NBDY: variants seen among roughly 807,000 people sequenced by gnomAD.
NBDY encodes the protein negative regulator of P-body association.
rs183987294 is a variant in NBDY, at chrX:56,740,881, T to C, written c.*166+8682T>C. On this transcript the variant is annotated intron_variant, in intron 2 of 2. Coordinates refer to ENST00000374922, the MANE Select transcript of NBDY (RefSeq NM_001348129.2). Reference sequence around the variant, plus strand: ...CTTTGTGTTACAGACAATTTAATTATACAGTTATATTATTATTGACTATAG... The same window carrying C: ...CTTTGTGTTACAGACAATTTAATTACACAGTTATATTATTATTGACTATAG... 1.3e-3 allele frequency among the ~76,000 whole-genome samples: 148 copies of C among 110,919 alleles called. 1 individual carries two copies. The highest frequency in any genetic ancestry group is 4.7e-3 in the African/African-American group (143 of 30,618).
chrX:56,782,112 T>A (rs749342713), intron 2 of NBDY, among the ~76,000 whole-genome samples: 89 of 111,496 alleles, frequency 8.0e-4, no homozygotes, highest in African/African-American at 2.6e-3. Context: ...GACCTGGGGC[T>A]CCTTGTCACT....
At chrX:56,788,760 T>C (rs1178218892) in intron 2 of NBDY, among the ~76,000 whole-genome samples, 2 of 112,741 alleles carry the variant, frequency 1.8e-5, no homozygotes, top group Non-Finnish European at 3.8e-5. Flanking sequence ...GCTTCCCTTA[T>C]GCGTATCTCA....
intron 2 of NBDY, among the ~76,000 whole-genome samples, chrX:56,789,142 A>G (rs1230052554): frequency 8.8e-6 from 1 of 113,099 alleles, no homozygotes; most frequent in Non-Finnish European, 1.9e-5. Context: ...AAAAACAAAA[A>G]GCAAAGAAAC....
chrX:56,782,897 C>T (rs2069702741), intron 2 of NBDY, among the ~76,000 whole-genome samples: 1 of 112,348 alleles, frequency 8.9e-6, no homozygotes, highest in African/African-American at 3.2e-5. Context: ...ATCACAAACA[C>T]ACACGCACAT....
rs549657961 is a variant in NBDY, at chrX:56,781,417, C to G, written c.*167-35903C>G. Among the ~76,000 whole-genome samples, 24 of 111,672 alleles carry G rather than the reference C, an allele frequency of 2.1e-4. No homozygotes were observed. The South Asian group carries it at 9.1e-3, about 42-fold the overall frequency. On this transcript the variant is annotated intron_variant, in intron 2 of 2. Transcript: ENST00000374922. Reference sequence around the variant, plus strand: ...GCAGGGAACAGGGCAGTCTCCTGGCCCAACAGATCTTTGTGCAGACGCGGT... The same window carrying G: ...GCAGGGAACAGGGCAGTCTCCTGGCGCAACAGATCTTTGTGCAGACGCGGT...
chrX:56,780,899 C>A (rs1396237670), intron 2 of NBDY, among the ~76,000 whole-genome samples: 1 of 98,472 alleles, frequency 1.0e-5, no homozygotes, highest in Non-Finnish European at 2.0e-5. Flanking sequence ...ATCTGGACTG[C>A]GTCTTTAGGG....
Position 56,757,329 on chromosome X carries a change from C to T in NBDY, c.*166+25130C>T, listed in dbSNP as rs139602488. Among the ~76,000 whole-genome samples, 785 of 111,746 alleles carry T rather than the reference C, an allele frequency of 7.0e-3. 30 individuals carry two copies. Among genetic ancestry groups the T allele is most frequent in the Admixed American group, 0.069 (725 of 10,508 alleles). The stretch of plus-strand genomic sequence containing the variant: ...TTAATTGGAATAATTTTAAAATGCA[C>T]GTTGATTAAATAAGAAGGCAGCATT... On this transcript the variant is annotated intron_variant, in intron 2 of 2. Coordinates refer to ENST00000374922, the MANE Select transcript of NBDY (RefSeq NM_001348129.2).
At chrX:56,795,090 T>G (rs1425173836) in intron 2 of NBDY, among the ~76,000 whole-genome samples, 4 of 112,449 alleles carry the variant, frequency 3.6e-5, no homozygotes, top group African/African-American at 1.3e-4. Context: ...ACGTGGTGGT[T>G]CACCAGTTAG....
chrX:56,809,599 A>G (rs973998312), intron 2 of NBDY, among the ~76,000 whole-genome samples: 4 of 111,072 alleles, frequency 3.6e-5, no homozygotes, highest in Non-Finnish European at 1.9e-5. Context: ...TTGGCTTTCC[A>G]TTTGCTTGGT....
At chrX:56,733,578 G>A (rs1035208760) in intron 2 of NBDY, among the ~76,000 whole-genome samples, 2 of 111,442 alleles carry the variant, frequency 1.8e-5, no homozygotes, top group African/African-American at 6.5e-5. Context: ...GAGCTGGTGG[G>A]GTGCAGAATG....
chrX:56,814,268 T>G (rs1444617563), intron 2 of NBDY, among the ~76,000 whole-genome samples: 1 of 110,433 alleles, frequency 9.1e-6, no homozygotes. Context: ...GGTTATTGAA[T>G]GGCTTTATTG....
intron 2 of NBDY, among the ~76,000 whole-genome samples, chrX:56,782,097 G>A (rs2069695242): frequency 9.0e-6 from 1 of 111,225 alleles, no homozygotes; most frequent in East Asian, 2.8e-4. Context: ...CTTTAAACGG[G>A]AGGTGACCTG....
intron 2 of NBDY, among the ~76,000 whole-genome samples, chrX:56,760,320 C>A (rs1480940809): frequency 8.8e-6 from 1 of 113,030 alleles, no homozygotes; most frequent in African/African-American, 3.2e-5. Flanking sequence ...ATGGCAGTCA[C>A]CCCTTTTCTT....
Position 56,729,587 on chromosome X carries a change from C to G in NBDY, c.*27C>G, listed in dbSNP as rs746022485. The G allele has an allele frequency of 1.1e-4, 34 of 295,981 alleles. No individual in the cohort carries two copies. The highest frequency in any genetic ancestry group is 1.5e-4 in the Non-Finnish European group (25 of 169,946). The allele number at this position is 295,981 out of a possible 1,213,427, so 24.4% of individuals were successfully genotyped here. A position where few individuals can be genotyped will look rare whatever the true frequency, so the allele number is the denominator to read the frequency against. On this transcript the variant is annotated splice_region_variant and 3_prime_UTR_variant, in exon 1 of 3. Coordinates refer to ENST00000374922, the MANE Select transcript of NBDY (RefSeq NM_001348129.2). ...GAAATAAATTTCTCCCACCCTAAAC[C>G]AGGTCAGATTCTTTCTCATCTAGGA...
At chrX:56,785,393 C>A (rs1476188161) in intron 2 of NBDY, among the ~76,000 whole-genome samples, 3 of 110,717 alleles carry the variant, frequency 2.7e-5, no homozygotes, top group African/African-American at 9.9e-5. Flanking sequence ...CAACTTTTTC[C>A]CATCTTCATC....
chrX:56,814,364 T>G (rs1392886571), intron 2 of NBDY, among the ~76,000 whole-genome samples: 1 of 111,433 alleles, frequency 9.0e-6, no homozygotes, highest in Non-Finnish European at 1.9e-5. Context: ...AAGAAACAGT[T>G]TTATTAAAGT....
rs116729502 is a variant in NBDY, at chrX:56,747,111, G to A, written c.*166+14912G>A. On this transcript the variant is annotated intron_variant, in intron 2 of 2. Coordinates refer to ENST00000374922, the MANE Select transcript of NBDY (RefSeq NM_001348129.2). ...TAGCAGCAAGCCATAACCTGACACC[G>A]AGTGTGTGATTCATCCATTCTTTTA... Among the ~76,000 whole-genome samples the A allele has an allele frequency of 2.2e-3, 245 of 112,021 alleles. 3 individuals are homozygous for A. Among genetic ancestry groups the A allele is most frequent in the African/African-American group, 7.5e-3 (232 of 30,876 alleles).
intron 2 of NBDY, among the ~76,000 whole-genome samples, chrX:56,734,687 A>AC (rs1387572437): frequency 8.9e-6 from 1 of 111,765 alleles, no homozygotes; most frequent in Non-Finnish European, 1.9e-5. Flanking sequence ...CAAGGAGGTA[A>AC]CACCCAAGGG....
At chrX:56,745,881 T>C (rs1206822073) in intron 2 of NBDY, among the ~76,000 whole-genome samples, 1 of 111,626 alleles carries the variant, frequency 9.0e-6, no homozygotes, top group Admixed American at 9.5e-5. Context: ...ATGGGCGATG[T>C]TCTGTCCTTC....
Sources: allele counts gnomAD v4.1 joint callset (sites outside exome capture counted in the v4.1 genomes callset), GRCh38; gene constraint gnomAD v4.1.1; transcripts MANE v1.5; gene names NCBI Gene and HGNC (gene_info 2026-07-23, HGNC 2026-07-21).